The following ANKRD12 variants were observed in gnomAD, a reference collection of about 807,000 sequenced individuals.
The protein encoded by ANKRD12 is ankyrin repeat domain-containing protein 12.
A neutral mutation model predicts 183.4 loss-of-function variants in ANKRD12; 85 were observed. The observed-to-expected ratio is 0.46, with a 90% CI of 0.39 to 0.56. ANKRD12 has a LOEUF of 0.56. ANKRD12 is among the 20% of genes least tolerant of loss of function. The probability of loss-of-function intolerance (pLI) is 0.00; values close to 1 mark genes in which losing one functional copy is unlikely to be tolerated. For synonymous variants in ANKRD12, 914 were observed against 800.2 expected (o/e 1.14, Z -2.40); for missense variants, 2,405 against 2,357.1 (o/e 1.02, Z -0.42).
In ANKRD12 at chr18:9,257,880, A is replaced by T; in HGVS notation, c.4613A>T (p.Asp1538Val). 1 of 1,613,750 alleles carries T rather than the reference A, an allele frequency of 6.2e-7. No homozygotes were observed. Among genetic ancestry groups the T allele is most frequent in the East Asian group, 2.2e-5 (1 of 44,882 alleles). The change falls in exon 9 of 13, where the codon GAT becomes GTT. Residue 1538 changes from aspartate (D) to valine (V), a missense_variant. Asp to Val is a radical substitution (Grantham distance 152). Coordinates refer to ENST00000262126, the MANE Select transcript of ANKRD12 (RefSeq NM_015208.5). ...VQIISSALDT[D>V]NESTKDTENT... ...ATTATTAGTTCTGCTTTAGATACTG[A>T]TAATGAATCTACAAAAGATACAGAA...
chr18:9,158,639 C>T (rs1027237967), intron 1 of ANKRD12, among the ~76,000 whole-genome samples: 6 of 152,198 alleles, frequency 3.9e-5, no homozygotes, highest in Non-Finnish European at 5.9e-5. Context: ...TAACCTTGAT[C>T]ACCTGGCTGA....
chr18:9,208,429 A>G (rs1169158763), intron 4 of ANKRD12, among the ~76,000 whole-genome samples: 2 of 152,182 alleles, frequency 1.3e-5, no homozygotes, highest in Non-Finnish European at 2.9e-5. Context: ...AAGTATTACT[A>G]ATTTTCTGAA....
chr18:9,203,478 T>C (rs1598545728), intron 3 of ANKRD12, among the ~76,000 whole-genome samples: 1 of 152,212 alleles, frequency 6.6e-6, no homozygotes, highest in Non-Finnish European at 1.5e-5. Flanking sequence ...TAAGTCAAAA[T>C]ATATTTATAA....
chr18:9,279,763 C>G lies in ANKRD12; in HGVS notation c.6003+119C>G, dbSNP rs73396113. The G allele has an allele frequency of 1.3e-3, 792 of 597,110 alleles. 3 individuals are homozygous for G. The African/African-American group carries it at 0.014, about 10-fold the overall frequency. 37.0% of individuals were successfully genotyped at this position (597,110 alleles called of 1,614,324 possible). ...GGGGAAATACTGGTTAGTCATGAAT[C>G]CTCACACTGGGCCACAATTGGAAAG... On this transcript the variant is annotated intron_variant, in intron 12 of 12. Transcript: ENST00000262126.
At chr18:9,267,333 A>G (rs962441934) in intron 10 of ANKRD12, among the ~76,000 whole-genome samples, 1 of 152,134 alleles carries the variant, frequency 6.6e-6, no homozygotes, top group Non-Finnish European at 1.5e-5. Flanking sequence ...TCTCAGCACC[A>G]CGCCGCACTT....
At chr18:9,277,278 G>A (rs564374200) in intron 11 of ANKRD12, among the ~76,000 whole-genome samples, 7 of 149,928 alleles carry the variant, frequency 4.7e-5, no homozygotes, top group Non-Finnish European at 7.4e-5. Flanking sequence ...GTATGATTGC[G>A]CCCGCTGCAC....
chr18:9,183,638 A>G (rs1476678492), intron 2 of ANKRD12, among the ~76,000 whole-genome samples: 1 of 152,048 alleles, frequency 6.6e-6, no homozygotes, highest in Non-Finnish European at 1.5e-5. Context: ...CTTTCTACAT[A>G]TGGAATCATA....
chr18:9,162,071 G>A (rs1468037666), intron 1 of ANKRD12, among the ~76,000 whole-genome samples: 2 of 152,166 alleles, frequency 1.3e-5, no homozygotes, highest in Admixed American at 6.5e-5. Flanking sequence ...TACATGTGCA[G>A]TATGTGCAGG....
intron 8 of ANKRD12, among the ~76,000 whole-genome samples, chr18:9,252,989 G>A (rs2038390775): frequency 6.6e-6 from 1 of 151,860 alleles, no homozygotes; most frequent in African/African-American, 2.4e-5. Flanking sequence ...CCCCTTAATC[G>A]AGACCCCTGG....
At chr18:9,260,847 CCTT>C (rs757897997) in intron 9 of ANKRD12, among the ~76,000 whole-genome samples, 1 of 152,142 alleles carries the variant, frequency 6.6e-6, no homozygotes, top group Non-Finnish European at 1.5e-5. Context: ...AGATCTCTCT[CCTT>C]GGCTTCTTTT....
At chr18:9,185,724 G>A (rs1598485749) in intron 2 of ANKRD12, among the ~76,000 whole-genome samples, 2 of 152,256 alleles carry the variant, frequency 1.3e-5, no homozygotes, top group East Asian at 1.9e-4. Flanking sequence ...ATTTTAGGAG[G>A]AGTAAAGAGA....
chr18:9,247,144 T>TTTTG (rs142132342), intron 8 of ANKRD12, among the ~76,000 whole-genome samples: 67 of 152,026 alleles, frequency 4.4e-4, no homozygotes, highest in East Asian at 2.5e-3. Context: ...GAAATAATGA[T>TTTTG]TTTGTTTGTT....
chr18:9,181,238 A>G (rs1349478042), intron 1 of ANKRD12, among the ~76,000 whole-genome samples: 1 of 152,190 alleles, frequency 6.6e-6, no homozygotes, highest in Non-Finnish European at 1.5e-5. Flanking sequence ...CCAGATTAAT[A>G]TGGTTTTGAT....
At chr18:9,210,072 G>C (rs1193279683) in intron 5 of ANKRD12, among the ~76,000 whole-genome samples, 1 of 151,820 alleles carries the variant, frequency 6.6e-6, no homozygotes, top group Non-Finnish European at 1.5e-5. Context: ...GTCTTTTTAA[G>C]GGTGATTCTT....
At chr18:9,231,527 C>G (rs1278227077) in intron 8 of ANKRD12, among the ~76,000 whole-genome samples, 1 of 151,620 alleles carries the variant, frequency 6.6e-6, no homozygotes, top group Non-Finnish European at 1.5e-5. Flanking sequence ...CTTTTTTTGA[C>G]TTAAAGATAT....
intron 8 of ANKRD12, among the ~76,000 whole-genome samples, chr18:9,240,770 C>G (rs146233952): frequency 1.3e-5 from 2 of 152,274 alleles, no homozygotes; most frequent in Non-Finnish European, 2.9e-5. Flanking sequence ...ACTTCTAGAG[C>G]TCACTGAAGA....
intron 2 of ANKRD12, 41 bp downstream of exon 2, chr18:9,182,560 G>T: frequency 7.7e-7 from 1 of 1,303,178 alleles, no homozygotes; most frequent in Non-Finnish European, 1.1e-6. Flanking sequence ...TTTTGAACTG[G>T]GAAAAAGACT....
At chr18:9,267,057 G>A (rs564591139) in intron 10 of ANKRD12, among the ~76,000 whole-genome samples, 1 of 152,186 alleles carries the variant, frequency 6.6e-6, no homozygotes, top group East Asian at 1.9e-4. Flanking sequence ...AATTCAACAA[G>A]AAGAGCTAAC....
At chr18:9,280,528 C>T (rs1367987610) in intron 12 of ANKRD12, among the ~76,000 whole-genome samples, 3 of 152,192 alleles carry the variant, frequency 2.0e-5, no homozygotes, top group African/African-American at 4.8e-5. Flanking sequence ...GCAGTTCACA[C>T]GTGTAATCCC....
Sources: gnomAD v4.1 joint callset for allele counts (sites outside exome capture counted in the v4.1 genomes callset) on GRCh38, gnomAD v4.1.1 for gene constraint, MANE v1.5 for transcripts, NCBI Gene and HGNC (gene_info 2026-07-23, HGNC 2026-07-21) for gene names.